The following PCDH15 variants were observed in gnomAD, a reference collection of about 807,000 sequenced individuals.
The protein encoded by PCDH15 is protocadherin-15.
Under a neutral mutation model 178.5 loss-of-function variants are expected in PCDH15, and 129 were observed. That is an observed-to-expected ratio of 0.72 (90% confidence interval 0.63 to 0.84). PCDH15 has a LOEUF of 0.84. PCDH15 is among the 40% of genes least tolerant of loss of function. The pLI is 0.00. For synonymous variants in PCDH15, 800 were observed against 732.0 expected, an observed-to-expected ratio of 1.09 and a Z score of -1.50; for missense variants, 2,230 against 2,099.9, an observed-to-expected ratio of 1.06 and a Z score of -1.21.
chr10:55,619,830 G>A (rs1270279568), intron 2 of PCDH15, among the ~76,000 whole-genome samples: 2 of 151,958 alleles, frequency 1.3e-5, no homozygotes, highest in Non-Finnish European at 2.9e-5. Flanking sequence ...AAACTGGAAT[G>A]CTATCATTTT....
intron 2 of PCDH15, among the ~76,000 whole-genome samples, chr10:54,558,321 A>G (rs917581826): frequency 6.6e-6 from 1 of 152,136 alleles, no homozygotes; most frequent in Non-Finnish European, 1.5e-5. Flanking sequence ...TCTTCAGGAA[A>G]TTTCCACAGA....
intron 1 of PCDH15, among the ~76,000 whole-genome samples, chr10:55,247,411 T>C (rs1841704921): frequency 6.6e-6 from 1 of 152,130 alleles, no homozygotes; most frequent in Admixed American, 6.5e-5. Flanking sequence ...GACAGCCAAA[T>C]TTATATCTCA....
intron 3 of PCDH15, among the ~76,000 whole-genome samples, chr10:54,398,446 T>A (rs111884662): frequency 0.026 from 4,004 of 152,018 alleles, 170 homozygotes; most frequent in African/African-American, 0.089. Context: ...TAGCAATTTT[T>A]TATATAACAA....
At chr10:54,400,895 T>C (rs1366640578) in intron 3 of PCDH15, among the ~76,000 whole-genome samples, 1 of 151,952 alleles carries the variant, frequency 6.6e-6, no homozygotes, top group African/African-American at 2.4e-5. Flanking sequence ...AAACAGTAAA[T>C]TGAATTCCTT....
At chr10:54,412,302 T>C (rs1330999610) in intron 3 of PCDH15, among the ~76,000 whole-genome samples, 3 of 151,216 alleles carry the variant, frequency 2.0e-5, no homozygotes. Context: ...AAACAGAAGT[T>C]ACTAAAGGAA....
intron 1 of PCDH15, among the ~76,000 whole-genome samples, chr10:54,722,537 C>G (rs1201980211): frequency 6.7e-6 from 1 of 148,448 alleles, no homozygotes; most frequent in Non-Finnish European, 1.5e-5. Flanking sequence ...TTTGCCTGAT[C>G]TTTCTTCAGG....
In PCDH15 at chr10:54,496,886, C is replaced by T. The variant is rs576066977; in HGVS notation, c.157+30926G>A. On this transcript the variant is annotated intron_variant, in intron 3 of 37. Coordinates refer to ENST00000644397, the MANE Select transcript of PCDH15 (RefSeq NM_001384140.1). The stretch of plus-strand genomic sequence containing the variant: ...CCCTTGTTGTATCCATAACTTTACC[C>T]GTTCTGTATTATTGTACATAGAGAG... Among the ~76,000 whole-genome samples, 212 of 152,210 alleles carry T rather than the reference C, an allele frequency of 1.4e-3. 1 individual carries two copies. Among genetic ancestry groups the T allele is most frequent in the Admixed American group, 4.3e-3 (65 of 15,276 alleles).
At chr10:54,625,476 G>T (rs2093517367) in intron 2 of PCDH15, among the ~76,000 whole-genome samples, 1 of 152,056 alleles carries the variant, frequency 6.6e-6, no homozygotes, top group Non-Finnish European at 1.5e-5. Context: ...ACTGAGTTAT[G>T]AGGGGGAGAC....
At position 55,281,914 on chromosome 10, in the gene PCDH15, A is replaced by G. The variant is rs1297956915; in HGVS notation, c.-156+37685T>C. ...AAGTTCTATGATTTTGCTCCGAAATATTTATAAAAAAGTCTACACTTCTTC... is the reference window on the plus strand; with the variant it reads ...AAGTTCTATGATTTTGCTCCGAAATGTTTATAAAAAAGTCTACACTTCTTC... On this transcript the variant is annotated intron_variant, in intron 1 of 5. Transcript: ENST00000458638. Among the ~76,000 whole-genome samples, 5 of 152,258 alleles carry G rather than the reference A, an allele frequency of 3.3e-5. No homozygotes were observed. In the East Asian group the frequency reaches 9.7e-4, roughly 29 times the overall value.
chr10:53,930,356 G>A (rs1428197431), intron 25 of PCDH15, among the ~76,000 whole-genome samples: 2 of 148,290 alleles, frequency 1.3e-5, no homozygotes, highest in African/African-American at 5.0e-5. Context: ...TACTCGGGAG[G>A]CTGAGGCAGG....
intron 2 of PCDH15, among the ~76,000 whole-genome samples, chr10:54,902,345 A>C (rs546203702): frequency 5.6e-4 from 85 of 152,190 alleles, no homozygotes; most frequent in African/African-American, 2.0e-3. Context: ...ATGCTGGGGG[A>C]GGAGGCTGGT....
intron 2 of PCDH15, among the ~76,000 whole-genome samples, chr10:54,634,940 A>G (rs2093807606): frequency 6.6e-6 from 1 of 151,722 alleles, no homozygotes; most frequent in Admixed American, 6.6e-5. Flanking sequence ...TGATTTTCTA[A>G]GTGTACACGG....
At chr10:53,938,589 C>T (rs1223737430) in intron 25 of PCDH15, among the ~76,000 whole-genome samples, 1 of 152,008 alleles carries the variant, frequency 6.6e-6, no homozygotes, top group Non-Finnish European at 1.5e-5. Flanking sequence ...ATATTGGATA[C>T]ACAATTTGAA....
intron 26 of PCDH15, among the ~76,000 whole-genome samples, chr10:53,884,923 T>A (rs1052018366): frequency 5.3e-5 from 8 of 152,180 alleles, no homozygotes; most frequent in Non-Finnish European, 8.8e-5. Context: ...ATTACTAACA[T>A]AATATACCAT....
At chr10:55,010,360 C>T (rs1840021346) in intron 2 of PCDH15, among the ~76,000 whole-genome samples, 1 of 152,108 alleles carries the variant, frequency 6.6e-6, no homozygotes, top group Non-Finnish European at 1.5e-5. Context: ...AGCCCCTGAG[C>T]TCATGGAAAT....
chr10:55,307,774 C>A (rs1301480020), intron 1 of PCDH15, among the ~76,000 whole-genome samples: 1 of 151,866 alleles, frequency 6.6e-6, no homozygotes, highest in Non-Finnish European at 1.5e-5. Context: ...CTTCCTCAGA[C>A]ACCATAAAAA....
At chr10:54,930,225 C>T (rs1034863869) in intron 2 of PCDH15, among the ~76,000 whole-genome samples, 3 of 152,134 alleles carry the variant, frequency 2.0e-5, no homozygotes, top group Non-Finnish European at 4.4e-5. Flanking sequence ...GGTGGGGTTG[C>T]AAGGTTCTTC....
At chr10:55,485,028 G>C (rs1840267523) in intron 2 of PCDH15, among the ~76,000 whole-genome samples, 1 of 151,658 alleles carries the variant, frequency 6.6e-6, no homozygotes, top group Non-Finnish European at 1.5e-5. Context: ...AGCAAAAATA[G>C]GCAAATGGGA....
chr10:55,419,149 T>C (rs754503336), intron 2 of PCDH15, among the ~76,000 whole-genome samples: 20 of 151,662 alleles, frequency 1.3e-4, no homozygotes, highest in Non-Finnish European at 3.0e-4. Context: ...CTGTAAGGCA[T>C]GTGAACAAAT....
Sources: gnomAD v4.1 joint callset for allele counts (sites outside exome capture counted in the v4.1 genomes callset) on GRCh38, gnomAD v4.1.1 for gene constraint, MANE v1.5 for transcripts, NCBI Gene and HGNC (gene_info 2026-07-23, HGNC 2026-07-21) for gene names.